MAP3K8: variants seen among roughly 807,000 people sequenced by gnomAD.
MAP3K8 encodes Ewing sarcoma transformant.
MAP3K8 carries 22 observed loss-of-function variants against 45.8 expected under a neutral mutation model. The observed-to-expected ratio is 0.48, with a 90% CI of 0.34 to 0.69. The LOEUF (loss-of-function observed/expected upper bound fraction) is 0.69, where lower values mean the gene tolerates loss of function less well. Ranked by LOEUF, MAP3K8 falls within the 30% of genes least tolerant of loss-of-function variation. MAP3K8 has a pLI of 0.01. For synonymous variants in MAP3K8, 223 were observed against 214.3 expected, an observed-to-expected ratio of 1.04 and a Z score of -0.36; for missense variants, 419 against 585.0, an observed-to-expected ratio of 0.72 and a Z score of 2.93.
Position 30,437,273 on chromosome 10 carries a change from G to A in MAP3K8, c.-157G>A, listed in dbSNP as rs936063276. On this transcript the variant is annotated 5_prime_UTR_variant, in exon 2 of 9. Coordinates refer to ENST00000263056, the MANE Select transcript of MAP3K8 (RefSeq NM_005204.4). ...TAACGCAGTATCTGCAAAGCCAGGA[G>A]TCTGACTCAGTACTTTTCTCACTCA... The A allele has an allele frequency of 1.0e-6, 1 of 985,236 alleles. No homozygotes were observed. The highest frequency in any genetic ancestry group is 6.2e-5 in the Admixed American group (1 of 16,252). 61.0% of individuals were successfully genotyped at this position (985,236 alleles called of 1,614,324 possible).
chr10:30,441,809 C>G (rs997523599), intron 3 of MAP3K8, among the ~76,000 whole-genome samples: 60 of 152,172 alleles, frequency 3.9e-4, no homozygotes, highest in African/African-American at 1.3e-3. Flanking sequence ...CACTTCAAGA[C>G]AGTAGTGAGG....
At chr10:30,450,023 A>T (rs535420586) in intron 4 of MAP3K8, among the ~76,000 whole-genome samples, 36 of 152,208 alleles carry the variant, frequency 2.4e-4, no homozygotes, top group African/African-American at 8.2e-4. Flanking sequence ...GAAAAGAGTA[A>T]CTCATTATTT....
intron 1 of MAP3K8, chr10:30,434,618 C>G: frequency 4.1e-6 from 4 of 985,944 alleles, no homozygotes; most frequent in Non-Finnish European, 4.8e-6. Context: ...CCCCTTCCTC[C>G]TCCTTCCCGT....
intron 1 of MAP3K8, among the ~76,000 whole-genome samples, chr10:30,435,864 G>C (rs1835895494): frequency 6.6e-6 from 1 of 152,228 alleles, no homozygotes; most frequent in Admixed American, 6.5e-5. Context: ...TTTTAAATGA[G>C]AAATAACACA....
intron 1 of MAP3K8, among the ~76,000 whole-genome samples, chr10:30,434,913 A>G (rs1286050546): frequency 6.6e-6 from 1 of 152,266 alleles, no homozygotes; most frequent in African/African-American, 2.4e-5. Context: ...ACTAAATTCA[A>G]GTTTGTAACC....
intron 1 of MAP3K8, 43 bp from the exon 2 acceptor site, chr10:30,437,133 A>G: frequency 2.0e-6 from 2 of 980,854 alleles, no homozygotes; most frequent in Non-Finnish European, 2.4e-6. Context: ...AGCATTTCAT[A>G]GGTTTCTGCC....
At chr10:30,460,299 G>A (rs1443157798) in intron 8 of MAP3K8, among the ~76,000 whole-genome samples, 1 of 152,198 alleles carries the variant, frequency 6.6e-6, no homozygotes, top group African/African-American at 2.4e-5. Flanking sequence ...AGGAAAGTCA[G>A]TATGCTTTCC....
At chr10:30,437,651 G>T (rs1054701788) in intron 2 of MAP3K8, among the ~76,000 whole-genome samples, 1 of 152,228 alleles carries the variant, frequency 6.6e-6, no homozygotes, top group Non-Finnish European at 1.5e-5. Context: ...AAATTGCATG[G>T]TTCTTTTGTC....
At chr10:30,450,173 TTTG>T in intron 4 of MAP3K8, 82 bp from the exon 5 acceptor site, 1 of 1,349,098 alleles carries the variant, frequency 7.4e-7, no homozygotes, top group Non-Finnish European at 1.0e-6. Flanking sequence ...TTATTTGCCT[TTTG>T]TTTTTTGCAT....
chr10:30,446,569 A>G lies in MAP3K8; in HGVS notation c.337-1213A>G, dbSNP rs78398619. Reference sequence around the variant, plus strand: ...AAAAAAAAGAAGAAGAAGAAGTTTCATAACTCCTGAATTCAGAATCAGAAG... The same window carrying G: ...AAAAAAAAGAAGAAGAAGAAGTTTCGTAACTCCTGAATTCAGAATCAGAAG... On this transcript the variant is annotated intron_variant, in intron 3 of 8. Coordinates refer to ENST00000263056, the MANE Select transcript of MAP3K8 (RefSeq NM_005204.4). Among the ~76,000 whole-genome samples, 765 of 151,934 alleles carry G rather than the reference A, an allele frequency of 5.0e-3. 25 individuals carry two copies. Among genetic ancestry groups the G allele is most frequent in the Admixed American group, 0.041 (620 of 15,262 alleles).
intron 6 of MAP3K8, among the ~76,000 whole-genome samples, chr10:30,452,871 G>T (rs1218355778): frequency 2.0e-5 from 3 of 150,824 alleles, no homozygotes; most frequent in Non-Finnish European, 4.4e-5. Flanking sequence ...AGAGATGCAG[G>T]TTTCACTATG....
intron 4 of MAP3K8, among the ~76,000 whole-genome samples, 170 bp from the exon 5 acceptor site, chr10:30,450,088 A>G (rs1836483947): frequency 6.6e-6 from 1 of 152,206 alleles, no homozygotes; most frequent in Non-Finnish European, 1.5e-5. Context: ...AACATAGTTA[A>G]AGGCAGATCT....
intron 3 of MAP3K8, among the ~76,000 whole-genome samples, chr10:30,443,654 A>T (rs1836196275): frequency 6.6e-6 from 1 of 152,222 alleles, no homozygotes; most frequent in Non-Finnish European, 1.5e-5. Context: ...TGCCTGCATG[A>T]ATATAGATCG....
intron 1 of MAP3K8, 32 bp from the exon 2 acceptor site, chr10:30,437,143 CT>C (rs1479147742): frequency 3.6e-5 from 35 of 983,718 alleles, no homozygotes; most frequent in Admixed American, 6.2e-5. Context: ...AGGTTTCTGC[CT>C]TTTTTTTCTC....
Position 30,437,364 on chromosome 10 carries a change from T to G in MAP3K8, c.-66T>G. On this transcript the variant is annotated 5_prime_UTR_variant, in exon 2 of 9. Coordinates refer to ENST00000263056, the MANE Select transcript of MAP3K8 (RefSeq NM_005204.4). ...TGCCCCTGACACTGCACTGAGCACT[T>G]TATGAGCTTGAACTCTGTTAATCCT... is the stretch of plus-strand genomic sequence containing the variant. 1.1e-6 allele frequency: 1 copy of G among 950,428 alleles called. No homozygotes were observed. The highest frequency in any genetic ancestry group is 1.3e-6 in the Non-Finnish European group (1 of 798,002). The allele number at this position is 950,428 out of a possible 1,614,324, so 58.9% of individuals were successfully genotyped here.
At position 30,458,109 on chromosome 10, in the gene MAP3K8, T is replaced by A. The variant is rs1836800996; in HGVS notation, c.899T>A (p.Leu300Gln). 1.3e-6 allele frequency: 2 copies of A among 1,574,360 alleles called. No individual in the cohort carries two copies. Among genetic ancestry groups the A allele is most frequent in the Non-Finnish European group, 1.7e-6 (2 of 1,159,620 alleles). The change falls in exon 7 of 9, where the codon CTG becomes CAG. Residue 300 changes from leucine to glutamine, a missense_variant. Physicochemically the swap from Leu to Gln is moderately radical, Grantham distance 113. Transcript: ENST00000263056. Reference sequence around the variant, plus strand: ...ATTTACATGAGCCCAGAGGTCATCCTGTGCAGGGGCCATTCAACCAAAGCA... The same window carrying A: ...ATTTACATGAGCCCAGAGGTCATCCAGTGCAGGGGCCATTCAACCAAAGCA... The part of the protein sequence containing the change: ...TEIYMSPEVI[L>Q]CRGHSTKADI...
rs982361870 is a variant in MAP3K8, at chr10:30,437,430, T to C, written c.-24+24T>C. The C allele has an allele frequency of 2.0e-4, 96 of 483,094 alleles. 5 individuals carry two copies. The highest frequency in any genetic ancestry group is 8.1e-6 in the Non-Finnish European group (3 of 371,012). 29.9% of individuals were successfully genotyped at this position (483,094 alleles called of 1,614,324 possible). A position where few individuals can be genotyped will look rare whatever the true frequency, so the allele number is the denominator to read the frequency against. ...AGGTAGGTGCTGTTATTACTTCCAT[T>C]TTACAGATGGGGAAAATTGAGGTCG... is the stretch of plus-strand genomic sequence containing the variant. On this transcript the variant is annotated intron_variant, in intron 2 of 8. Transcript: ENST00000263056.
At chr10:30,450,553 A>T (rs1836500592) in intron 5 of MAP3K8, 34 bp downstream of exon 5, 4 of 1,605,296 alleles carry the variant, frequency 2.5e-6, no homozygotes, top group Non-Finnish European at 3.4e-6. Flanking sequence ...TTTTTGGCTC[A>T]AAGAGACTAG....
At chr10:30,436,402 G>C (rs1032881876) in intron 1 of MAP3K8, among the ~76,000 whole-genome samples, 2 of 152,210 alleles carry the variant, frequency 1.3e-5, no homozygotes, top group African/African-American at 4.8e-5. Context: ...TGTTGCTAAG[G>C]AATTACTGCA....
Sources: allele counts gnomAD v4.1 joint callset (sites outside exome capture counted in the v4.1 genomes callset), GRCh38; gene constraint gnomAD v4.1.1; transcripts MANE v1.5; gene names NCBI Gene and HGNC (gene_info 2026-07-23, HGNC 2026-07-21).